Variants in DGKB observed in about 807,000 individuals in gnomAD.
DGKB encodes 90 kDa diacylglycerol kinase.
In DGKB, 67 loss-of-function variants were observed where a neutral mutation model predicts 114.3. The observed-to-expected ratio is 0.59, with a 90% CI of 0.48 to 0.72. The LOEUF (loss-of-function observed/expected upper bound fraction) is 0.72, where lower values mean the gene tolerates loss of function less well. Ranked by LOEUF, DGKB falls within the 30% of genes least tolerant of loss-of-function variation. The pLI is 0.00. For missense variants in DGKB, 907 were observed against 975.2 expected, an observed-to-expected ratio of 0.93 and a Z score of 0.93; for synonymous variants, 398 against 323.1, an observed-to-expected ratio of 1.23 and a Z score of -2.49.
At chr7:14,446,751 G>A (rs1249932726) in intron 21 of DGKB, among the ~76,000 whole-genome samples, 1 of 152,106 alleles carries the variant, frequency 6.6e-6, no homozygotes, top group East Asian at 1.9e-4. Flanking sequence ...GACACATAGA[G>A]GCTCATATAA....
chr7:14,277,552 T>C (rs1362577851), intron 23 of DGKB, among the ~76,000 whole-genome samples: 7 of 152,220 alleles, frequency 4.6e-5, no homozygotes, highest in African/African-American at 1.4e-4. Context: ...ATTTCACTTA[T>C]CATAATGTCT....
intron 20 of DGKB, among the ~76,000 whole-genome samples, chr7:14,512,259 A>G (rs1033927930): frequency 5.9e-5 from 9 of 152,324 alleles, no homozygotes; most frequent in Admixed American, 5.2e-4. Context: ...CATGAAACAC[A>G]ATCATAGAAG....
chr7:14,673,102 C>T (rs912914582), intron 12 of DGKB, 75 bp from the exon 13 acceptor site: 5 of 781,666 alleles, frequency 6.4e-6, no homozygotes, highest in East Asian at 2.7e-5. Context: ...ATATTTCAAT[C>T]GAGATACAGC....
At chr7:14,173,138 A>G (rs1016638042) in intron 25 of DGKB, among the ~76,000 whole-genome samples, 1 of 152,226 alleles carries the variant, frequency 6.6e-6, no homozygotes, top group Non-Finnish European at 1.5e-5. Context: ...TGAATACAGG[A>G]GCACTTAAAA....
chr7:14,195,130 G>A (rs1349870471), intron 23 of DGKB, among the ~76,000 whole-genome samples: 1 of 152,148 alleles, frequency 6.6e-6, no homozygotes, highest in Non-Finnish European at 1.5e-5. Flanking sequence ...TGCTGCTTCT[G>A]GGTTCTTGAA....
At chr7:14,814,067 T>G (rs552357330) in intron 2 of DGKB, 5 of 152,338 alleles carry the variant, frequency 3.3e-5, no homozygotes, top group Non-Finnish European at 7.3e-5. Flanking sequence ...AAGACCATAG[T>G]GAACATTACA....
intron 5 of DGKB, among the ~76,000 whole-genome samples, chr7:14,725,677 G>A (rs374049017): frequency 3.3e-5 from 5 of 151,804 alleles, no homozygotes; most frequent in East Asian, 1.9e-4. Context: ...CCTCCAAGAA[G>A]CTGGAATTAC....
chr7:14,334,844 C>T (rs111582779), intron 23 of DGKB, among the ~76,000 whole-genome samples: 133 of 152,202 alleles, frequency 8.7e-4, no homozygotes, highest in Admixed American at 2.0e-3. Context: ...CGAATATTAA[C>T]GCTAGGAGAA....
intron 1 of DGKB, among the ~76,000 whole-genome samples, chr7:14,925,864 G>GCC (rs777276154): frequency 1.5e-5 from 2 of 137,754 alleles, no homozygotes; most frequent in African/African-American, 5.4e-5. Context: ...GAATAATTGG[G>GCC]TCCCCCCCCC....
At chr7:14,954,792 G>T (rs1248547089) in intron 1 of DGKB, among the ~76,000 whole-genome samples, 9 of 152,066 alleles carry the variant, frequency 5.9e-5, no homozygotes, top group African/African-American at 2.2e-4. Context: ...ATAGCCAAGT[G>T]GAGATAACCA....
chr7:14,234,400 T>C (rs1278578120), intron 23 of DGKB, among the ~76,000 whole-genome samples: 1 of 152,094 alleles, frequency 6.6e-6, no homozygotes, highest in Non-Finnish European at 1.5e-5. Flanking sequence ...ACTACTTGAA[T>C]GTATCTTAGC....
At chr7:14,231,094 TC>T (rs2128340438) in intron 23 of DGKB, among the ~76,000 whole-genome samples, 1 of 98,850 alleles carries the variant, frequency 1.0e-5, no homozygotes, top group South Asian at 3.5e-4. Context: ...TTTCTTTCTT[TC>T]TTTCTTTCTT....
intron 2 of DGKB, among the ~76,000 whole-genome samples, chr7:14,830,256 A>T (rs1846230447): frequency 6.6e-6 from 1 of 152,112 alleles, no homozygotes; most frequent in Non-Finnish European, 1.5e-5. Context: ...ATGAATAATC[A>T]GAATCTATTC....
At chr7:14,262,249 A>G (rs1385642543) in intron 23 of DGKB, among the ~76,000 whole-genome samples, 2 of 152,310 alleles carry the variant, frequency 1.3e-5, no homozygotes, top group African/African-American at 4.8e-5. Flanking sequence ...AATGGATGGT[A>G]CTGTGGTTTG....
chr7:14,421,133 G>C (rs1195793458), intron 21 of DGKB, among the ~76,000 whole-genome samples: 1 of 152,092 alleles, frequency 6.6e-6, no homozygotes, highest in African/African-American at 2.4e-5. Flanking sequence ...AATCTTTAAA[G>C]GGTACTTAAA....
intron 20 of DGKB, among the ~76,000 whole-genome samples, chr7:14,536,737 C>T (rs1271655760): frequency 6.6e-6 from 1 of 151,916 alleles, no homozygotes; most frequent in Non-Finnish European, 1.5e-5. Flanking sequence ...CAGAGAAATG[C>T]TGAAAGCTTT....
intron 21 of DGKB, among the ~76,000 whole-genome samples, chr7:14,407,923 G>A (rs1824205470): frequency 6.6e-6 from 1 of 151,930 alleles, no homozygotes; most frequent in South Asian, 2.1e-4. Flanking sequence ...CTACACAGAA[G>A]ACCTTAGAAG....
At chr7:14,831,975 T>C (rs1257403257) in intron 2 of DGKB, among the ~76,000 whole-genome samples, 3 of 151,870 alleles carry the variant, frequency 2.0e-5, no homozygotes, top group Non-Finnish European at 2.9e-5. Flanking sequence ...AGCCAAGATA[T>C]AGAACTATAG....
intron 4 of DGKB, among the ~76,000 whole-genome samples, chr7:14,741,518 C>G (rs1202476893): frequency 2.0e-5 from 3 of 152,038 alleles, no homozygotes; most frequent in Admixed American, 6.6e-5. Flanking sequence ...TTTTTGTCTC[C>G]GCTATTTTAC....
Sources: gnomAD v4.1 joint callset for allele counts (sites outside exome capture counted in the v4.1 genomes callset) on GRCh38, gnomAD v4.1.1 for gene constraint, MANE v1.5 for transcripts, NCBI Gene and HGNC (gene_info 2026-07-23, HGNC 2026-07-21) for gene names.